The following MTA1 variants were observed in gnomAD, a reference collection of about 807,000 sequenced individuals.
The protein encoded by MTA1 is metastasis-associated protein MTA1.
In MTA1, 15 loss-of-function variants were observed where a neutral mutation model predicts 97.0. The ratio of observed to expected loss-of-function variants is 0.15; its 90% confidence interval spans 0.10 to 0.24. The LOEUF is 0.24. Among genes scored for constraint, MTA1 ranks in the 10% least tolerant of loss-of-function variants. The pLI is 1.00. For synonymous variants in MTA1, 435 were observed against 417.5 expected (o/e 1.04, Z -0.51); for missense variants, 709 against 1,015.1 (o/e 0.70, Z 4.10).
At chr14:105,443,290 CAG>C (rs373855185) in intron 2 of MTA1, among the ~76,000 whole-genome samples, 18 of 152,330 alleles carry the variant, frequency 1.2e-4, no homozygotes, top group African/African-American at 4.3e-4. Context: ...ACGTCCCAAA[CAG>C]AGGAATTCCA....
At chr14:105,433,815 A>C (rs1290354512) in intron 1 of MTA1, among the ~76,000 whole-genome samples, 1 of 152,208 alleles carries the variant, frequency 6.6e-6, no homozygotes, top group African/African-American at 2.4e-5. Flanking sequence ...GTATTATAGA[A>C]AGCTGCACTC....
At chr14:105,469,531 C>T (rs782715884) in intron 19 of MTA1, 33 bp downstream of exon 19, 17 of 1,609,574 alleles carry the variant, frequency 1.1e-5, no homozygotes, top group Middle Eastern at 1.6e-4. Context: ...GGGTACGGTG[C>T]GCTCACCCAT....
intron 3 of MTA1, among the ~76,000 whole-genome samples, chr14:105,446,080 T>G (rs2082708656): frequency 6.6e-6 from 1 of 152,128 alleles, no homozygotes; most frequent in African/African-American, 2.4e-5. Context: ...GGGACCCAGC[T>G]TCTCCCCCGG....
In MTA1 at chr14:105,438,835, G is replaced by A. The variant is rs75607504; in HGVS notation, c.96+96G>A. 1.1e-3 allele frequency: 1,403 copies of A among 1,314,072 alleles called. 25 individuals are homozygous for A. In the East Asian group the frequency reaches 0.029, roughly 27 times the overall value. The allele number at this position is 1,314,072 out of a possible 1,614,324, so 81.4% of individuals were successfully genotyped here. A position where few individuals can be genotyped will look rare whatever the true frequency, so the allele number is the denominator to read the frequency against. ...TGGCCAGTGTGGGTGGCCCCCTTTCGGGGCTGATCTTGGACTGGCCACTGC... is the reference window on the plus strand; with the variant it reads ...TGGCCAGTGTGGGTGGCCCCCTTTCAGGGCTGATCTTGGACTGGCCACTGC... On this transcript the variant is annotated intron_variant, in intron 2 of 20. Coordinates refer to ENST00000331320, the MANE Select transcript of MTA1 (RefSeq NM_004689.4).
intron 7 of MTA1, chr14:105,454,702 G>A (rs1451257374): frequency 6.2e-6 from 1 of 161,978 alleles, no homozygotes; most frequent in Admixed American, 5.9e-5. Context: ...CGCCTCCCAG[G>A]TTCAAGCGAT....
At chr14:105,454,885 T>C (rs2083083668) in intron 7 of MTA1, among the ~76,000 whole-genome samples, 2 of 151,866 alleles carry the variant, frequency 1.3e-5, no homozygotes, top group African/African-American at 4.8e-5. Context: ...CCACCGAGTC[T>C]GGCCTTGGCA....
rs1458879862 is a variant in MTA1 at position 105,460,795 on chromosome 14, A to G, written c.784A>G (p.Ile262Val). The G allele has an allele frequency of 1.0e-5, 16 of 1,605,414 alleles. No individual in the cohort carries two copies. The highest frequency in any genetic ancestry group is 9.0e-5 in the East Asian group (4 of 44,684). Reference sequence around the variant, plus strand: ...CGCCATGGATACTCTCCACAAGAACATCTACGACATCTCCAAGGCCATCTC... The same window carrying G: ...CGCCATGGATACTCTCCACAAGAACGTCTACGACATCTCCAAGGCCATCTC... The part of the protein sequence containing the change: ...FHAMDTLHKN[I>V]YDISKAISAL... The change falls in exon 10 of 21, where the codon ATC (isoleucine) becomes GTC (valine). Residue 262 changes from isoleucine (I) to valine (V), a missense_variant. Ile to Val is a conservative substitution (Grantham distance 29). Transcript: ENST00000331320.
intron 2 of MTA1, among the ~76,000 whole-genome samples, chr14:105,439,336 C>G (rs375704953): frequency 6.6e-6 from 1 of 151,998 alleles, no homozygotes; most frequent in Non-Finnish European, 1.5e-5. Context: ...TTGGCAGTTG[C>G]TTGCTGTTTG....
At chr14:105,434,182 C>T (rs587704361) in intron 1 of MTA1, among the ~76,000 whole-genome samples, 3 of 152,292 alleles carry the variant, frequency 2.0e-5, no homozygotes, top group African/African-American at 7.2e-5. Flanking sequence ...ATGTAATATC[C>T]TTGGTGTGGC....
Position 105,463,266 on chromosome 14 carries a change from C to T in MTA1, c.1017+8C>T, listed in dbSNP as rs781805268. 60 of 1,607,318 alleles carry T rather than the reference C, an allele frequency of 3.7e-5. No homozygotes were observed. Among genetic ancestry groups the T allele is most frequent in the Middle Eastern group, 1.6e-4 (1 of 6,080 alleles). ...GACAGATACGTGCAGCAGGTGAGCC[C>T]GCCCGCCACTCAGTGCCCGGGGTGT... On this transcript the variant is annotated splice_region_variant and intron_variant, in intron 11 of 20. Transcript: ENST00000331320. The surrounding 1 kb of genome is among the most constrained non-coding windows in gnomAD (Gnocchi z 5.9).
intron 1 of MTA1, among the ~76,000 whole-genome samples, chr14:105,438,339 C>T (rs2082394946): frequency 6.6e-6 from 1 of 152,168 alleles, no homozygotes. Flanking sequence ...AAGCTGCCGC[C>T]TGGCCCCCAC....
chr14:105,468,130 TG>T, intron 18 of MTA1: 1 of 383,164 alleles, frequency 2.6e-6, no homozygotes, highest in Admixed American at 3.0e-5. Flanking sequence ...GCACACGAGG[TG>T]GGGTCTCTGT....
At chr14:105,467,103 C>T (rs2083626364) in intron 18 of MTA1, 2 of 427,966 alleles carry the variant, frequency 4.7e-6, no homozygotes, top group Non-Finnish European at 8.7e-6. Flanking sequence ...TTCCGTGCGC[C>T]TGCCAGGCGG....
At chr14:105,469,446 C>G (rs1555433757) in intron 18 of MTA1, 21 bp from the exon 19 acceptor site, 1 of 1,612,800 alleles carries the variant, frequency 6.2e-7, no homozygotes, top group South Asian at 1.1e-5. Flanking sequence ...GGCCTCATTT[C>G]TCTCCTCCAT....
At position 105,463,765 on chromosome 14, in the gene MTA1, G is replaced by A. The variant is rs1297774901; in HGVS notation, c.1076+214G>A. ...TCCTGGCCTCCTGGTCAGTAAGGGG[G>A]CATTGGGATTCCAGCCCACACCGCC... On this transcript the variant is annotated intron_variant, in intron 12 of 20. Coordinates refer to ENST00000331320, the MANE Select transcript of MTA1 (RefSeq NM_004689.4). This position sits in a 1 kb window ranked among gnomAD's most constrained non-coding sequence, Gnocchi z 5.9. 8 of 622,328 alleles carry A rather than the reference G, an allele frequency of 1.3e-5. No homozygotes were observed. The highest frequency in any genetic ancestry group is 1.1e-4 in the African/African-American group (6 of 54,272). The allele number at this position is 622,328 out of a possible 1,614,324, so 38.6% of individuals were successfully genotyped here.
At chr14:105,469,163 A>C (rs1555433660) in intron 18 of MTA1, 6 of 608,156 alleles carry the variant, frequency 9.9e-6, no homozygotes, top group Non-Finnish European at 1.8e-5. Context: ...CACGGCAGGC[A>C]AGTGGGTGGA....
chr14:105,433,262 G>T (rs1299096934), intron 1 of MTA1, among the ~76,000 whole-genome samples: 2 of 152,116 alleles, frequency 1.3e-5, no homozygotes, highest in Non-Finnish European at 2.9e-5. Flanking sequence ...TCCAAGCAGG[G>T]ACGCTCCCGT....
chr14:105,454,635 C>G (rs1247354654), intron 7 of MTA1: 1 of 230,886 alleles, frequency 4.3e-6, no homozygotes, highest in South Asian at 6.0e-5. Context: ...CAGACGGAGT[C>G]TCGCTCTGTT....
rs782692055 is a variant in MTA1 at position 105,466,418 on chromosome 14, C to T, written c.1625-8C>T. ...GGCAACTCGTTCTGCCTGTGTCATT[C>T]CCGGCAGAGACCCACCCCCGCCCCC... On this transcript the variant is annotated splice_polypyrimidine_tract_variant and splice_region_variant and intron_variant, in intron 16 of 20. Coordinates refer to ENST00000331320, the MANE Select transcript of MTA1 (RefSeq NM_004689.4). 9 of 1,598,886 alleles carry T rather than the reference C, an allele frequency of 5.6e-6. No individual in the cohort carries two copies. Among genetic ancestry groups the T allele is most frequent in the Non-Finnish European group, 7.7e-6 (9 of 1,171,312 alleles).
Sources: gnomAD v4.1 joint callset for allele counts (sites outside exome capture counted in the v4.1 genomes callset) on GRCh38, gnomAD v4.1.1 for gene constraint, Gnocchi (gnomAD v3.1) non-coding constraint, MANE v1.5 for transcripts, NCBI Gene and HGNC (gene_info 2026-07-23, HGNC 2026-07-21) for gene names.